Variants in HS3ST5 observed in about 807,000 individuals in gnomAD.
HS3ST5 encodes heparan sulfate glucosamine 3-O-sulfotransferase 5.
A neutral mutation model predicts 25.4 loss-of-function variants in HS3ST5; 10 were observed. The ratio of observed to expected loss-of-function variants is 0.39; its 90% CI spans 0.24 to 0.67. The LOEUF (loss-of-function observed/expected upper bound fraction) is 0.67. HS3ST5 is among the 30% of genes least tolerant of loss of function. HS3ST5 has a pLI of 0.44. For missense variants in HS3ST5, 324 were observed against 420.7 expected (o/e 0.77, Z 2.01); for synonymous variants, 170 against 162.4 (o/e 1.05, Z -0.36).
At chr6:114,127,354 T>C (rs1216026726) in intron 3 of HS3ST5, among the ~76,000 whole-genome samples, 1 of 152,224 alleles carries the variant, frequency 6.6e-6, no homozygotes, top group African/African-American at 2.4e-5. Context: ...TTGAGTACTG[T>C]CAATGGTCAG....
At chr6:114,326,346 C>T (rs1371398641) in intron 1 of HS3ST5, among the ~76,000 whole-genome samples, 5 of 152,048 alleles carry the variant, frequency 3.3e-5, no homozygotes, top group African/African-American at 7.2e-5. Flanking sequence ...ACGGAGATCA[C>T]GCCACTGCAC....
intron 1 of HS3ST5, among the ~76,000 whole-genome samples, chr6:114,293,149 T>C (rs1454643904): frequency 2.6e-5 from 4 of 151,332 alleles, no homozygotes; most frequent in Non-Finnish European, 5.9e-5. Context: ...GATAGAGGAG[T>C]GGTGTCTCTG....
intron 1 of HS3ST5, among the ~76,000 whole-genome samples, chr6:114,288,700 G>A (rs1490061601): frequency 6.6e-6 from 1 of 151,976 alleles, no homozygotes; most frequent in East Asian, 1.9e-4. Flanking sequence ...AGGCATTTAT[G>A]CTATCTCTAT....
chr6:114,335,896 C>G (rs574847150), intron 1 of HS3ST5, among the ~76,000 whole-genome samples: 1 of 152,180 alleles, frequency 6.6e-6, no homozygotes, highest in South Asian at 2.1e-4. Flanking sequence ...TTGTGATCTA[C>G]CCGCTTCGGC....
intron 4 of HS3ST5, among the ~76,000 whole-genome samples, 170 bp downstream of exon 4, chr6:114,062,569 A>ATC (rs1442019621): frequency 2.6e-5 from 4 of 152,132 alleles, no homozygotes; most frequent in African/African-American, 9.7e-5. Flanking sequence ...AGGAACTTGG[A>ATC]TCTCTCTCTT....
intron 1 of HS3ST5, among the ~76,000 whole-genome samples, chr6:114,241,191 T>C (rs917310068): frequency 3.2e-4 from 48 of 151,496 alleles, no homozygotes; most frequent in African/African-American, 1.1e-3. Flanking sequence ...TCCCTATTCT[T>C]GCCAGGACGC....
intron 3 of HS3ST5, among the ~76,000 whole-genome samples, chr6:114,076,833 G>A (rs1774167943): frequency 6.6e-6 from 1 of 152,152 alleles, no homozygotes; most frequent in Non-Finnish European, 1.5e-5. Context: ...GAGGAAAATG[G>A]ACACCATTTG....
rs1778296422 is a variant in HS3ST5 at position 114,148,744 on chromosome 6, A to G, written c.-33+19607T>C. Among the ~76,000 whole-genome samples the G allele has an allele frequency of 2.0e-5, 3 of 152,348 alleles. No individual in the cohort carries two copies. In the South Asian group the frequency reaches 6.2e-4, roughly 32 times the overall value. On this transcript the variant is annotated intron_variant, in intron 3 of 4. Transcript: ENST00000312719. ...ACAAAAGCCATAATTGACAAATAAGATCTAATTAAACTAAAGAGCTTCTGC... is the reference window on the plus strand; with the variant it reads ...ACAAAAGCCATAATTGACAAATAAGGTCTAATTAAACTAAAGAGCTTCTGC...
chr6:114,315,284 A>G (rs774428664), intron 1 of HS3ST5, among the ~76,000 whole-genome samples: 3 of 152,198 alleles, frequency 2.0e-5, no homozygotes, highest in Non-Finnish European at 4.4e-5. Flanking sequence ...AACATGGCAC[A>G]TCTATTTGTT....
At chr6:114,092,921 C>T (rs1343871905) in intron 3 of HS3ST5, among the ~76,000 whole-genome samples, 3 of 152,056 alleles carry the variant, frequency 2.0e-5, no homozygotes, top group South Asian at 2.1e-4. Flanking sequence ...GTGATCCACC[C>T]ACCTTGGCCT....
chr6:114,062,485 C>T (rs958154269), intron 4 of HS3ST5, among the ~76,000 whole-genome samples: 6 of 152,212 alleles, frequency 3.9e-5, no homozygotes, highest in African/African-American at 1.4e-4. Flanking sequence ...CTGTACACAG[C>T]TTTATCCCTT....
chr6:114,173,266 T>C (rs1209433427), intron 2 of HS3ST5, among the ~76,000 whole-genome samples: 2 of 152,224 alleles, frequency 1.3e-5, no homozygotes, highest in Non-Finnish European at 2.9e-5. Flanking sequence ...CTACAATCTA[T>C]TTTATATTCT....
chr6:114,244,446 T>C (rs1236409807), intron 1 of HS3ST5, among the ~76,000 whole-genome samples: 2 of 152,216 alleles, frequency 1.3e-5, no homozygotes, highest in East Asian at 1.9e-4. Flanking sequence ...ATTTATACCA[T>C]GGAGAAAATA....
chr6:114,200,154 T>C (rs975647128), intron 2 of HS3ST5, among the ~76,000 whole-genome samples: 10 of 152,002 alleles, frequency 6.6e-5, no homozygotes, highest in Non-Finnish European at 7.4e-5. Context: ...GAGGTGGAGG[T>C]TGCAGTGAGC....
intron 1 of HS3ST5, among the ~76,000 whole-genome samples, chr6:114,297,817 C>T (rs896553861): frequency 6.6e-6 from 1 of 152,184 alleles, no homozygotes; most frequent in Non-Finnish European, 1.5e-5. Context: ...ATAGCCCAAG[C>T]TGCCAAAATG....
intron 3 of HS3ST5, among the ~76,000 whole-genome samples, chr6:114,109,027 G>A (rs1228714803): frequency 2.0e-5 from 3 of 152,108 alleles, no homozygotes; most frequent in South Asian, 2.1e-4. Flanking sequence ...GCCAGATGTG[G>A]TGGCAGGCGC....
At chr6:114,132,752 G>A (rs371014169) in intron 3 of HS3ST5, among the ~76,000 whole-genome samples, 9 of 152,270 alleles carry the variant, frequency 5.9e-5, no homozygotes, top group Admixed American at 4.6e-4. Flanking sequence ...GTGAACGAAG[G>A]CTGGGTTTTA....
intron 1 of HS3ST5, among the ~76,000 whole-genome samples, chr6:114,259,538 C>T (rs996404047): frequency 6.6e-6 from 1 of 152,110 alleles, no homozygotes; most frequent in Non-Finnish European, 1.5e-5. Flanking sequence ...TTTAAGCAAA[C>T]GAGAGGACAC....
chr6:114,099,423 G>A (rs542456184), intron 3 of HS3ST5, among the ~76,000 whole-genome samples: 6 of 152,026 alleles, frequency 3.9e-5, no homozygotes, highest in Non-Finnish European at 5.9e-5. Flanking sequence ...TCTCATCATA[G>A]TAATTCCTAT....
Sources: allele counts gnomAD v4.1 joint callset (sites outside exome capture counted in the v4.1 genomes callset), GRCh38; gene constraint gnomAD v4.1.1; transcripts MANE v1.5; gene names NCBI Gene and HGNC (gene_info 2026-07-23, HGNC 2026-07-21).